The following PEX5L variants were observed in gnomAD, a reference collection of about 807,000 sequenced individuals.
The protein encoded by PEX5L is peroxisomal biogenesis factor 5 like.
In PEX5L, 30 loss-of-function variants were observed where a neutral mutation model predicts 84.0. The observed-to-expected ratio is 0.36, with a 90% CI of 0.27 to 0.48. The LOEUF (loss-of-function observed/expected upper bound fraction) is 0.48. PEX5L is among the 20% of genes least tolerant of loss of function. PEX5L has a pLI of 0.99. For synonymous variants in PEX5L, 270 were observed against 283.1 expected, an observed-to-expected ratio of 0.95 and a Z score of 0.46; for missense variants, 533 against 754.6, an observed-to-expected ratio of 0.71 and a Z score of 3.44.
intron 8 of PEX5L, among the ~76,000 whole-genome samples, chr3:179,855,244 G>A (rs1162889898): frequency 6.6e-6 from 1 of 152,116 alleles, no homozygotes; most frequent in Non-Finnish European, 1.5e-5. Flanking sequence ...TAGGAAGAAC[G>A]TTGGAATCAG....
chr3:179,976,710 T>A (rs1188255759), intron 1 of PEX5L, among the ~76,000 whole-genome samples: 1 of 152,144 alleles, frequency 6.6e-6, no homozygotes, highest in Admixed American at 6.5e-5. Context: ...AGTGCTGGGA[T>A]TACAGGTGTG....
chr3:179,990,126 A>T (rs1046330314), intron 1 of PEX5L, among the ~76,000 whole-genome samples: 2 of 152,204 alleles, frequency 1.3e-5, no homozygotes, highest in Admixed American at 6.5e-5. Context: ...CCAGTTACTT[A>T]ATACATTTAA....
chr3:179,958,103 T>C (rs1781056110), intron 2 of PEX5L, among the ~76,000 whole-genome samples: 2 of 152,152 alleles, frequency 1.3e-5, no homozygotes, highest in Non-Finnish European at 2.9e-5. Context: ...AAGGAAAAAA[T>C]ATATTTTCCA....
At chr3:179,888,354 G>A (rs1756556317) in intron 3 of PEX5L, among the ~76,000 whole-genome samples, 1 of 152,058 alleles carries the variant, frequency 6.6e-6, no homozygotes, top group Non-Finnish European at 1.5e-5. Flanking sequence ...TATTTTGGGA[G>A]AGTAGAAAAT....
chr3:179,843,977 T>A (rs1560338331), intron 8 of PEX5L, among the ~76,000 whole-genome samples: 1 of 152,224 alleles, frequency 6.6e-6, no homozygotes, highest in Non-Finnish European at 1.5e-5. Flanking sequence ...GTAAAAGGCA[T>A]CCTTTGCAGA....
In PEX5L at chr3:179,802,422, C is replaced by T. The variant is rs113282614; in HGVS notation, c.1677-390G>A. 8.3e-3 allele frequency among the ~76,000 whole-genome samples: 1,255 copies of T among 150,876 alleles called. 8 individuals are homozygous for T. Among genetic ancestry groups the T allele is most frequent in the Non-Finnish European group, 0.012 (826 of 67,792 alleles). On this transcript the variant is annotated intron_variant, in intron 14 of 14. Coordinates refer to ENST00000467460, the MANE Select transcript of PEX5L (RefSeq NM_016559.3). ...TAGTGGCATGCCCCTGTAATCCCAGCTACTAGGGAGGCTGAGGCAGGAGAA... is the reference window on the plus strand; with the variant it reads ...TAGTGGCATGCCCCTGTAATCCCAGTTACTAGGGAGGCTGAGGCAGGAGAA...
chr3:179,953,578 G>T (rs1039198572), intron 2 of PEX5L, among the ~76,000 whole-genome samples: 6 of 152,114 alleles, frequency 3.9e-5, no homozygotes, highest in African/African-American at 1.4e-4. Context: ...AACATTAAAA[G>T]ATTTCATTTT....
At chr3:179,894,380 C>T (rs939171658) in intron 3 of PEX5L, among the ~76,000 whole-genome samples, 1 of 152,004 alleles carries the variant, frequency 6.6e-6, no homozygotes, top group Admixed American at 6.6e-5. Context: ...AATGGACTGC[C>T]CCACCCCCCA....
chr3:179,948,312 T>A lies in PEX5L; in HGVS notation c.93+23282A>T, dbSNP rs541421130. Among the ~76,000 whole-genome samples the A allele has an allele frequency of 2.0e-5, 3 of 152,340 alleles. No individual in the cohort carries two copies. In the East Asian group the frequency reaches 5.8e-4, roughly 29 times the overall value. ...AAGCAGCAAACAAAATCCTGAGCAA[T>A]TCTCACCTAGCAAGCTGTCTTCCTT... On this transcript the variant is annotated intron_variant, in intron 2 of 14. Coordinates refer to ENST00000467460, the MANE Select transcript of PEX5L (RefSeq NM_016559.3).
intron 8 of PEX5L, among the ~76,000 whole-genome samples, chr3:179,842,424 T>C (rs1245849010): frequency 1.3e-5 from 2 of 152,212 alleles, no homozygotes; most frequent in East Asian, 3.8e-4. Flanking sequence ...AACAGGAAAC[T>C]ATTTAATAAA....
intron 1 of PEX5L, among the ~76,000 whole-genome samples, chr3:179,976,414 C>A (rs1213777873): frequency 6.6e-6 from 1 of 151,962 alleles, no homozygotes; most frequent in Admixed American, 6.6e-5. Context: ...CTTGTCTTCC[C>A]TTAGGAAATC....
At chr3:179,923,710 T>C (rs182153887) in intron 2 of PEX5L, among the ~76,000 whole-genome samples, 3 of 152,354 alleles carry the variant, frequency 2.0e-5, no homozygotes, top group Admixed American at 2.0e-4. Context: ...AGATAATTTC[T>C]TTATTTCTCT....
At chr3:179,996,988 A>G (rs1787943723) in intron 1 of PEX5L, among the ~76,000 whole-genome samples, 1 of 152,188 alleles carries the variant, frequency 6.6e-6, no homozygotes, top group South Asian at 2.1e-4. Flanking sequence ...ACAAAAGACT[A>G]ATTTGAATTA....
intron 1 of PEX5L, among the ~76,000 whole-genome samples, chr3:180,015,881 ATT>A (rs1417941141): frequency 1.8e-5 from 2 of 113,772 alleles, no homozygotes; most frequent in East Asian, 2.1e-4. Flanking sequence ...AATATATAAT[ATT>A]TAATATATTA....
intron 1 of PEX5L, among the ~76,000 whole-genome samples, chr3:180,008,820 A>G (rs1287199327): frequency 1.3e-5 from 2 of 152,214 alleles, no homozygotes; most frequent in Non-Finnish European, 2.9e-5. Flanking sequence ...GGCCCCTCCC[A>G]CAACACATGG....
intron 8 of PEX5L, among the ~76,000 whole-genome samples, chr3:179,828,930 T>C (rs1036436247): frequency 2.0e-5 from 3 of 152,218 alleles, no homozygotes; most frequent in Non-Finnish European, 4.4e-5. Context: ...AAGATTTTGT[T>C]GCTGTTATTA....
At chr3:179,972,214 A>G (rs1784939625) in intron 1 of PEX5L, among the ~76,000 whole-genome samples, 2 of 152,206 alleles carry the variant, frequency 1.3e-5, no homozygotes, top group Admixed American at 1.3e-4. Context: ...AGAGATAACT[A>G]AAATAATTTA....
At chr3:179,861,608 A>G (rs1160852105) in intron 7 of PEX5L, among the ~76,000 whole-genome samples, 1 of 152,196 alleles carries the variant, frequency 6.6e-6, no homozygotes, top group African/African-American at 2.4e-5. Context: ...GCCACCATGA[A>G]CAAGTAGCCT....
intron 1 of PEX5L, among the ~76,000 whole-genome samples, chr3:180,000,003 T>C (rs1371007336): frequency 6.6e-6 from 1 of 152,142 alleles, no homozygotes; most frequent in Admixed American, 6.5e-5. Context: ...GTACAGTTTT[T>C]CCCACAGCCA....
Sources: allele counts gnomAD v4.1 joint callset (sites outside exome capture counted in the v4.1 genomes callset), GRCh38; gene constraint gnomAD v4.1.1; transcripts MANE v1.5; gene names NCBI Gene and HGNC (gene_info 2026-07-23, HGNC 2026-07-21).